CFAP47: variants seen among roughly 807,000 people sequenced by gnomAD.
CFAP47 encodes cilia and flagella associated protein 47.
Under a neutral mutation model 148.1 loss-of-function variants are expected in CFAP47, and 29 were observed. The observed-to-expected ratio is 0.20, with a 90% CI of 0.15 to 0.27. The LOEUF (loss-of-function observed/expected upper bound fraction) is 0.27, where lower values mean the gene tolerates loss of function less well. Among genes scored for constraint, CFAP47 ranks in the 10% least tolerant of loss-of-function variants. The probability of loss-of-function intolerance (pLI) is 1.00; values close to 1 mark genes in which losing one functional copy is unlikely to be tolerated. For missense variants in CFAP47, 1,872 were observed against 1,697.5 expected, an observed-to-expected ratio of 1.10 and a Z score of -1.81; for synonymous variants, 664 against 577.3, an observed-to-expected ratio of 1.15 and a Z score of -2.15.
chrX:36,128,787 G>A (rs1456733056), intron 33 of CFAP47, among the ~76,000 whole-genome samples: 1 of 109,842 alleles, frequency 9.1e-6, no homozygotes, highest in Non-Finnish European at 1.9e-5. Context: ...ATTTAAAAAT[G>A]TGAATTAACC....
Position 36,310,900 on chromosome X carries a change from T to C in CFAP47, c.8255T>C (p.Ile2752Thr). The C allele has an allele frequency of 8.8e-7, 1 of 1,142,747 alleles. No individual in the cohort carries two copies. The highest frequency in any genetic ancestry group is 1.2e-6 in the Non-Finnish European group (1 of 852,623). 94.2% of individuals were successfully genotyped at this position (1,142,747 alleles called of 1,213,427 possible). ...LFPQPLDTER[I>T]TTRIGLQSTI... The stretch of plus-strand genomic sequence containing the variant: ...CCCCAGCCTCTAGACACGGAAAGAA[T>C]AACCACACGCATTGGTCTTCAGTCA... Residue 2752 changes from isoleucine (I) to threonine (T), a missense_variant, in exon 56 of 64, where the codon ATA (isoleucine) becomes ACA (threonine). By Grantham distance (89) the Ile-to-Thr change is moderately conservative. Transcript: ENST00000378653.
intron 33 of CFAP47, among the ~76,000 whole-genome samples, chrX:36,126,544 C>T (rs1938842103): frequency 8.9e-6 from 1 of 111,847 alleles, no homozygotes; most frequent in Admixed American, 9.5e-5. Context: ...GTGAATAGTG[C>T]TGCAATAAAC....
chrX:36,095,059 GT>G (rs1319247574), intron 30 of CFAP47, among the ~76,000 whole-genome samples: 4 of 111,002 alleles, frequency 3.6e-5, no homozygotes, highest in Non-Finnish European at 7.6e-5. Flanking sequence ...TCCATATCCA[GT>G]TTTTTGAGAG....
intron 29 of CFAP47, among the ~76,000 whole-genome samples, chrX:36,076,162 C>A (rs986804342): frequency 1.9e-5 from 2 of 107,677 alleles, no homozygotes; most frequent in Non-Finnish European, 3.8e-5. Context: ...TTTAAACATT[C>A]ACTTTTCTTT....
chrX:36,039,126 T>C lies in CFAP47; in HGVS notation c.3954T>C (p.Pro1318=). 1 of 1,106,398 alleles carries C rather than the reference T, an allele frequency of 9.0e-7. No homozygotes were observed. The highest frequency in any genetic ancestry group is 1.2e-6 in the Non-Finnish European group (1 of 821,618). The allele number at this position is 1,106,398 out of a possible 1,213,427, so 91.2% of individuals were successfully genotyped here. A position where few individuals can be genotyped will look rare whatever the true frequency, so the allele number is the denominator to read the frequency against. The part of the protein sequence containing the change: ...DPPFIFFTPV[P]LDITTVMDIN... ...CATTTATATTTTTCACTCCTGTTCC[T>C]TTGGATATAACAACTGTAATGGATA... The change falls in exon 25 of 64, where the codon CCT becomes CCC. Residue 1318 remains proline, a synonymous_variant. Coordinates refer to ENST00000378653, the MANE Select transcript of CFAP47 (RefSeq NM_001304548.2).
chrX:36,274,914 C>T (rs868995479), intron 49 of CFAP47, among the ~76,000 whole-genome samples: 32 of 111,559 alleles, frequency 2.9e-4, no homozygotes, highest in African/African-American at 1.0e-3. Context: ...TGTTTCTGAT[C>T]TTAGAGGAAG....
rs1025243406 is a variant in CFAP47, at chrX:36,362,646, A to G, written c.9023+1145A>G. On this transcript the variant is annotated intron_variant, in intron 61 of 63. Transcript: ENST00000378653. The stretch of plus-strand genomic sequence containing the variant: ...GAATAATGTGACAATGAACATAACG[A>G]GTCCACGTGGCTTTTTGATATAATG... Among the ~76,000 whole-genome samples the G allele has an allele frequency of 6.2e-5, 7 of 112,192 alleles. No individual in the cohort carries two copies. The Admixed American group carries it at 6.6e-4, about 11-fold the overall frequency.
chrX:36,224,821 A>G (rs910580565), intron 45 of CFAP47, among the ~76,000 whole-genome samples: 12 of 111,931 alleles, frequency 1.1e-4, no homozygotes, highest in African/African-American at 3.9e-4. Context: ...TGTTGCTTTA[A>G]ATCACTAAGT....
intron 62 of CFAP47, among the ~76,000 whole-genome samples, chrX:36,374,235 T>C (rs1556022494): frequency 1.8e-5 from 2 of 111,413 alleles, no homozygotes; most frequent in Admixed American, 9.6e-5. Flanking sequence ...ATTGGCCCCT[T>C]CAAGCATTCT....
chrX:36,102,417 C>T (rs1383375616), intron 32 of CFAP47, among the ~76,000 whole-genome samples: 1 of 111,682 alleles, frequency 9.0e-6, no homozygotes, highest in Admixed American at 9.5e-5. Context: ...ATTTTTCTAG[C>T]AATTTATTTT....
intron 55 of CFAP47, among the ~76,000 whole-genome samples, chrX:36,307,892 C>T (rs1556009147): frequency 9.0e-6 from 1 of 111,513 alleles, no homozygotes. Flanking sequence ...TAGAAATATG[C>T]TTCTTTTTCA....
chrX:36,266,243 G>A (rs902960420), intron 49 of CFAP47, among the ~76,000 whole-genome samples: 6 of 110,861 alleles, frequency 5.4e-5, no homozygotes, highest in Non-Finnish European at 9.5e-5. Flanking sequence ...TTCAGCAGGG[G>A]TGCCATGGGT....
intron 8 of CFAP47, among the ~76,000 whole-genome samples, chrX:35,963,611 T>C (rs1457115594): frequency 1.8e-5 from 2 of 111,534 alleles, no homozygotes; most frequent in African/African-American, 3.2e-5. Flanking sequence ...TATTTTTCTA[T>C]TTGTTTTCTA....
At chrX:36,171,438 G>A (rs1475214287) in intron 39 of CFAP47, among the ~76,000 whole-genome samples, 3 of 108,189 alleles carry the variant, frequency 2.8e-5, no homozygotes, top group South Asian at 4.0e-4. Context: ...TAGGTCTAAC[G>A]TTTAAGTCTT....
In CFAP47 at chrX:35,930,489, T is replaced by C. The variant is rs191307853; in HGVS notation, c.401+4321T>C. Reference sequence around the variant, plus strand: ...CCTCATAAAATGAATTTGGAAATGCTGCGTCTTCTATATTCTAGAAGAGCT... The same window carrying C: ...CCTCATAAAATGAATTTGGAAATGCCGCGTCTTCTATATTCTAGAAGAGCT... On this transcript the variant is annotated intron_variant, in intron 2 of 63. Coordinates refer to ENST00000378653, the MANE Select transcript of CFAP47 (RefSeq NM_001304548.2). Among the ~76,000 whole-genome samples the C allele has an allele frequency of 3.6e-3, 404 of 111,550 alleles. 1 individual carries two copies. The highest frequency in any genetic ancestry group is 0.012 in the African/African-American group (377 of 30,774).
chrX:36,317,419 T>C (rs1272198208), intron 56 of CFAP47, among the ~76,000 whole-genome samples: 2 of 109,806 alleles, frequency 1.8e-5, no homozygotes, highest in Non-Finnish European at 3.8e-5. Flanking sequence ...TTTTTTTTTC[T>C]TTCTTTTTGA....
chrX:36,310,726 ACTTTT>A, intron 55 of CFAP47, 102 bp from the exon 56 acceptor site: 1 of 396,985 alleles, frequency 2.5e-6, no homozygotes, highest in East Asian at 4.7e-5. Flanking sequence ...TAACAACAAA[ACTTTT>A]CTTATCTGTC....
chrX:36,232,985 T>A (rs1403983418), intron 46 of CFAP47, among the ~76,000 whole-genome samples: 1 of 111,977 alleles, frequency 8.9e-6, no homozygotes, highest in Non-Finnish European at 1.9e-5. Context: ...AGAGACAGTT[T>A]GTTATAATTT....
intron 45 of CFAP47, among the ~76,000 whole-genome samples, chrX:36,223,602 G>T (rs887755856): frequency 1.8e-5 from 2 of 110,516 alleles, no homozygotes; most frequent in Non-Finnish European, 3.8e-5. Flanking sequence ...ATACAATTAT[G>T]ACCTATTAAG....
Sources: allele counts gnomAD v4.1 joint callset (sites outside exome capture counted in the v4.1 genomes callset), GRCh38; gene constraint gnomAD v4.1.1; transcripts MANE v1.5; gene names NCBI Gene and HGNC (gene_info 2026-07-23, HGNC 2026-07-21).